RB1CC1: variants seen among roughly 807,000 people sequenced by gnomAD.
The protein encoded by RB1CC1 is RB1-inducible coiled-coil protein 1.
In RB1CC1, 46 loss-of-function variants were observed where a neutral mutation model predicts 177.5. The observed-to-expected ratio is 0.26, with a 90% CI of 0.20 to 0.33. RB1CC1 has a LOEUF of 0.33. Ranked by LOEUF, RB1CC1 falls within the 10% of genes least tolerant of loss-of-function variation. The pLI is 1.00. For synonymous variants in RB1CC1, 666 were observed against 613.6 expected, an observed-to-expected ratio of 1.09 and a Z score of -1.26; for missense variants, 1,703 against 1,816.3, an observed-to-expected ratio of 0.94 and a Z score of 1.13.
intron 1 of RB1CC1, among the ~76,000 whole-genome samples, chr8:52,709,308 A>G (rs1221241133): frequency 6.6e-6 from 1 of 152,366 alleles, no homozygotes; most frequent in East Asian, 1.9e-4. Context: ...TTTGAGGAAA[A>G]GAACCAGAAA....
intron 20 of RB1CC1, among the ~76,000 whole-genome samples, chr8:52,633,146 A>G (rs1284492397): frequency 6.6e-6 from 1 of 152,210 alleles, no homozygotes; most frequent in African/African-American, 2.4e-5. Context: ...CCTAAAATGT[A>G]TAAAACCAAG....
At chr8:52,648,076 G>C (rs1192949681) in intron 15 of RB1CC1, among the ~76,000 whole-genome samples, 1 of 151,970 alleles carries the variant, frequency 6.6e-6, no homozygotes, top group African/African-American at 2.4e-5. Flanking sequence ...ATAATACAGG[G>C]ACAAGAGGAC....
chr8:52,692,796 A>G (rs1307721511), intron 1 of RB1CC1, among the ~76,000 whole-genome samples: 1 of 152,186 alleles, frequency 6.6e-6, no homozygotes, highest in Non-Finnish European at 1.5e-5. Context: ...TTTACTAAAT[A>G]CAATACAAAA....
At chr8:52,634,019 A>T (rs1416710345) in intron 20 of RB1CC1, among the ~76,000 whole-genome samples, 1 of 152,216 alleles carries the variant, frequency 6.6e-6, no homozygotes, top group Non-Finnish European at 1.5e-5. Context: ...TGCTGAGCTG[A>T]GACAGGAGGA....
At position 52,656,656 on chromosome 8, in the gene RB1CC1, C is replaced by T. The variant is rs1348734691; in HGVS notation, c.3173G>A (p.Cys1058Tyr). The change falls in exon 15 of 24, where the codon TGC becomes TAC. Residue 1058 changes from cysteine to tyrosine, a missense_variant. Coordinates refer to ENST00000025008, the MANE Select transcript of RB1CC1 (RefSeq NM_014781.5). The part of the protein sequence containing the change: ...LKVSDLSDTR[C>Y]KLEVELALKE... ...CAACGCAAGTTCAACCTCTAACTTG[C>T]ATCTCGTGTCTGACAAATCAGAAAC... The T allele has an allele frequency of 6.2e-7, 1 of 1,613,794 alleles. No homozygotes were observed. The highest frequency in any genetic ancestry group is 8.5e-7 in the Non-Finnish European group (1 of 1,179,938).
intron 15 of RB1CC1, among the ~76,000 whole-genome samples, chr8:52,651,131 G>A (rs1850535566): frequency 6.6e-6 from 1 of 152,196 alleles, no homozygotes; most frequent in Non-Finnish European, 1.5e-5. Flanking sequence ...ACAGTTACAA[G>A]AGGAGGGACA....
chr8:52,710,527 C>T (rs1043104260), intron 1 of RB1CC1, among the ~76,000 whole-genome samples: 1 of 152,102 alleles, frequency 6.6e-6, no homozygotes, highest in Non-Finnish European at 1.5e-5. Flanking sequence ...ACCCTACATA[C>T]TACTATGGAC....
chr8:52,683,385 A>G (rs1366100685), intron 5 of RB1CC1, among the ~76,000 whole-genome samples, 164 bp downstream of exon 5: 2 of 152,214 alleles, frequency 1.3e-5, no homozygotes, highest in African/African-American at 4.8e-5. Flanking sequence ...ATAACTAGCA[A>G]TGTATGACCC....
At chr8:52,702,150 A>G (rs912504075) in intron 1 of RB1CC1, among the ~76,000 whole-genome samples, 1 of 152,178 alleles carries the variant, frequency 6.6e-6, no homozygotes, top group Non-Finnish European at 1.5e-5. Flanking sequence ...TCAACCCTGG[A>G]TTATTAATCT....
At chr8:52,707,839 A>G (rs1856714832) in intron 1 of RB1CC1, among the ~76,000 whole-genome samples, 2 of 152,328 alleles carry the variant, frequency 1.3e-5, no homozygotes, top group Admixed American at 1.3e-4. Context: ...GATATAGGCT[A>G]GATTAACATA....
Position 52,658,443 on chromosome 8 carries a change from G to T in RB1CC1, c.1794-319C>A, listed in dbSNP as rs551101568. On this transcript the variant is annotated intron_variant, in intron 13 of 23. Coordinates refer to ENST00000025008, the MANE Select transcript of RB1CC1 (RefSeq NM_014781.5). ...AATACAAAAATTAGCAGGGCATGGT[G>T]GTGGGCTCCTGTAATCCCAGCTACT... 5.9e-5 allele frequency among the ~76,000 whole-genome samples: 9 copies of T among 152,096 alleles called. No homozygotes were observed. In the East Asian group the frequency reaches 1.4e-3, roughly 23 times the overall value.
In RB1CC1 at chr8:52,687,544, A is replaced by C. The variant is rs559215418; in HGVS notation, c.-166-577T>G. ...ATTATAACTCCCATCTTGCCAGCTG[A>C]CTCTCTCTTGCCAGCTTTGATGAAG... On this transcript the variant is annotated intron_variant, in intron 1 of 23. Transcript: ENST00000025008. Among the ~76,000 whole-genome samples the C allele has an allele frequency of 1.2e-4, 19 of 152,184 alleles. No homozygotes were observed. In the East Asian group the frequency reaches 3.5e-3, roughly 28 times the overall value.
chr8:52,645,591 G>T, intron 16 of RB1CC1, 111 bp downstream of exon 16: 1 of 1,120,718 alleles, frequency 8.9e-7, no homozygotes, highest in Non-Finnish European at 1.2e-6. Flanking sequence ...TCAATGTAAG[G>T]AACATCACAT....
In RB1CC1 at chr8:52,622,774, C is replaced by T. The variant is rs1848145323; in HGVS notation, c.*1008G>A. The T allele has an allele frequency of 1.3e-5, 2 of 151,906 alleles. No homozygotes were observed. Among genetic ancestry groups the T allele is most frequent in the African/African-American group, 2.4e-5 (1 of 41,368 alleles). The allele number at this position is 151,906 out of a possible 1,614,324, so 9.4% of individuals were successfully genotyped here. On this transcript the variant is annotated 3_prime_UTR_variant, in exon 24 of 24. Transcript: ENST00000025008. ...TGTTACATAGTATATAGTTAAAGAA[C>T]ATTTTTGTAATAAACATGTTTCTCT...
intron 8 of RB1CC1, among the ~76,000 whole-genome samples, chr8:52,667,524 T>C (rs1852170301): frequency 6.6e-6 from 1 of 152,186 alleles, no homozygotes; most frequent in African/African-American, 2.4e-5. Context: ...CTTAGAAACG[T>C]CCACATTTAC....
intron 1 of RB1CC1, among the ~76,000 whole-genome samples, chr8:52,708,716 G>A (rs1856806778): frequency 1.3e-5 from 2 of 152,184 alleles, no homozygotes; most frequent in Middle Eastern, 3.4e-3. Flanking sequence ...GAGGACATCT[G>A]GTCCTCCTAA....
chr8:52,624,068 C>A (rs1848219775), intron 23 of RB1CC1, among the ~76,000 whole-genome samples: 1 of 151,754 alleles, frequency 6.6e-6, no homozygotes, highest in African/African-American at 2.4e-5. Flanking sequence ...AAGATCTACC[C>A]CTCACGAACA....
In RB1CC1 at chr8:52,657,638, C is replaced by T. The variant is rs1042294873; in HGVS notation, c.2191G>A (p.Asp731Asn). 2 of 1,614,094 alleles carry T rather than the reference C, an allele frequency of 1.2e-6. No individual in the cohort carries two copies. Among genetic ancestry groups the T allele is most frequent in the African/African-American group, 2.7e-5 (2 of 75,054 alleles). ...LDSLAESPESDFMSAVNEFVI... is the reference protein window; with the variant it reads ...LDSLAESPESNFMSAVNEFVI... Reference sequence around the variant, plus strand: ...AACTCATTCACAGCAGACATAAAATCTGATTCAGGACTTTCTGCTAATGAA... The same window carrying T: ...AACTCATTCACAGCAGACATAAAATTTGATTCAGGACTTTCTGCTAATGAA... Residue 731 changes from aspartate (D) to asparagine (N), a missense_variant, in exon 15 of 24, where the codon GAT (aspartate) becomes AAT (asparagine). Coordinates refer to ENST00000025008, the MANE Select transcript of RB1CC1 (RefSeq NM_014781.5).
At chr8:52,628,010 T>C in intron 22 of RB1CC1, 22 bp downstream of exon 22, 1 of 1,538,750 alleles carries the variant, frequency 6.5e-7, no homozygotes, top group Non-Finnish European at 8.7e-7. Flanking sequence ...GGTTTATATT[T>C]TAGTCATGGA....
Sources: allele counts gnomAD v4.1 joint callset (sites outside exome capture counted in the v4.1 genomes callset), GRCh38; gene constraint gnomAD v4.1.1; transcripts MANE v1.5; gene names NCBI Gene and HGNC (gene_info 2026-07-23, HGNC 2026-07-21).